Variants in DMGDH observed in about 807,000 individuals in gnomAD.
DMGDH encodes dimethylglycine dehydrogenase, mitochondrial.
Under a neutral mutation model 95.2 loss-of-function variants are expected in DMGDH, and 76 were observed. The observed-to-expected ratio is 0.80, with a 90% CI of 0.66 to 0.97. The LOEUF (loss-of-function observed/expected upper bound fraction) is 0.97, where lower values mean the gene tolerates loss of function less well. Ranked by LOEUF, DMGDH falls within the 50% of genes least tolerant of loss-of-function variation. The pLI is 0.00. For missense variants in DMGDH, 987 were observed against 1,055.0 expected (o/e 0.94, Z 0.89); for synonymous variants, 345 against 377.6 (o/e 0.91, Z 1.00).
intron 3 of DMGDH, 88 bp downstream of exon 3, chr5:79,055,722 T>C (rs1755011066): frequency 1.2e-6 from 1 of 863,588 alleles, no homozygotes; most frequent in Non-Finnish European, 1.9e-6. Context: ...CACACGGTCA[T>C]ACACAATGAT....
At chr5:79,028,305 A>G in intron 12 of DMGDH, 128 bp downstream of exon 12, 2 of 780,352 alleles carry the variant, frequency 2.6e-6, no homozygotes, top group Admixed American at 4.9e-5. Flanking sequence ...GACAAAAGTG[A>G]GTGTGAGTGT....
chr5:79,015,492 T>C (rs16876302), intron 14 of DMGDH, among the ~76,000 whole-genome samples: 48,349 of 152,094 alleles, frequency 0.32, 8,219 homozygotes, highest in African/African-American at 0.44. Context: ...CACATGAGAC[T>C]CTTCATAATG....
chr5:79,037,676 G>A (rs1754382493), intron 7 of DMGDH, among the ~76,000 whole-genome samples: 1 of 152,108 alleles, frequency 6.6e-6, no homozygotes, highest in South Asian at 2.1e-4. Flanking sequence ...TAGGTTATAA[G>A]TAACTTGTTC....
intron 15 of DMGDH, among the ~76,000 whole-genome samples, chr5:79,002,456 T>TC (rs1753470526): frequency 6.6e-6 from 1 of 152,204 alleles, no homozygotes; most frequent in Non-Finnish European, 1.5e-5. Context: ...ACTTGACCTT[T>TC]CCCCAAGGCA....
chr5:78,997,973 G>A lies in DMGDH; in HGVS notation c.*109C>T. The A allele has an allele frequency of 8.5e-7, 1 of 1,181,288 alleles. No individual in the cohort carries two copies. The highest frequency in any genetic ancestry group is 2.4e-5 in the East Asian group (1 of 42,074). The allele number at this position is 1,181,288 out of a possible 1,614,324, so 73.2% of individuals were successfully genotyped here. ...TAAGATTCTAAATTTAGACTTTGAT[G>A]ATTTTGAAATGAATTCCTGGTTTCC... On this transcript the variant is annotated 3_prime_UTR_variant, in exon 16 of 16. Transcript: ENST00000255189.
chr5:78,998,312 C>T lies in DMGDH; in HGVS notation c.2386-15G>A. ...TTGCCAACCACCTGGAAAACAAGACCCAACAGTCCTCAGCATCTTGGTCAC... is the reference window on the plus strand; with the variant it reads ...TTGCCAACCACCTGGAAAACAAGACTCAACAGTCCTCAGCATCTTGGTCAC... On this transcript the variant is annotated splice_polypyrimidine_tract_variant and intron_variant, in intron 15 of 15. Transcript: ENST00000255189. 5.6e-6 allele frequency: 9 copies of T among 1,607,160 alleles called. No individual in the cohort carries two copies. Among genetic ancestry groups the T allele is most frequent in the Non-Finnish European group, 7.7e-6 (9 of 1,175,828 alleles).
intron 3 of DMGDH, 115 bp downstream of exon 3, chr5:79,055,695 T>C (rs1233720089): frequency 2.7e-6 from 2 of 738,258 alleles, no homozygotes; most frequent in Non-Finnish European, 4.9e-6. Flanking sequence ...CATATTCCTC[T>C]ACTACATTAA....
At chr5:79,049,628 GAA>G (rs909642277) in intron 5 of DMGDH, among the ~76,000 whole-genome samples, 2 of 152,118 alleles carry the variant, frequency 1.3e-5, no homozygotes, top group African/African-American at 2.4e-5. Context: ...TTGCTACTTA[GAA>G]AAAAGTCTGA....
At chr5:79,052,026 G>A (rs1173114753) in intron 4 of DMGDH, among the ~76,000 whole-genome samples, 1 of 152,168 alleles carries the variant, frequency 6.6e-6, no homozygotes, top group African/African-American at 2.4e-5. Context: ...ATACAAGCAA[G>A]GAGCTTTTGT....
intron 14 of DMGDH, among the ~76,000 whole-genome samples, chr5:79,015,307 T>TG (rs1359088452): frequency 1.3e-5 from 2 of 152,214 alleles, no homozygotes; most frequent in Admixed American, 6.5e-5. Context: ...CTGCTTTAGT[T>TG]GAAGTCTTCG....
intron 2 of DMGDH, among the ~76,000 whole-genome samples, chr5:79,059,484 G>C (rs1392607595): frequency 6.6e-6 from 1 of 152,196 alleles, no homozygotes; most frequent in Non-Finnish European, 1.5e-5. Flanking sequence ...GTGTCTGCCT[G>C]TTGTTACAAA....
At chr5:79,031,049 A>T in intron 9 of DMGDH, 51 bp from the exon 10 acceptor site, 1 of 1,599,002 alleles carries the variant, frequency 6.3e-7, no homozygotes, top group Non-Finnish European at 8.6e-7. Flanking sequence ...ATTTTTCAAA[A>T]ATTACAGAAT....
At chr5:79,051,075 C>CT (rs1333791808) in intron 5 of DMGDH, among the ~76,000 whole-genome samples, 1 of 151,918 alleles carries the variant, frequency 6.6e-6, no homozygotes, top group Non-Finnish European at 1.5e-5. Context: ...AAATAAGCAA[C>CT]TTTTTTTGGA....
chr5:79,018,563 C>T (rs187252502), intron 14 of DMGDH, among the ~76,000 whole-genome samples: 22 of 152,004 alleles, frequency 1.4e-4, no homozygotes, highest in African/African-American at 4.8e-4. Context: ...ATGGACACCC[C>T]GGGGATGAGG....
chr5:79,054,447 GATTT>G, intron 3 of DMGDH, 99 bp from the exon 4 acceptor site: 1 of 1,187,456 alleles, frequency 8.4e-7, no homozygotes, highest in Non-Finnish European at 1.2e-6. Flanking sequence ...TGTACAAAAA[GATTT>G]ATTACGAGTG....
rs777266909 is a variant in DMGDH, at chr5:79,029,855, G to C, written c.1814+49C>G. Reference sequence around the variant, plus strand: ...AAAAAGAAAAACTTAATGTAAGATTGAGTCAATATATAATGTGTACAAAAT... The same window carrying C: ...AAAAAGAAAAACTTAATGTAAGATTCAGTCAATATATAATGTGTACAAAAT... On this transcript the variant is annotated intron_variant, in intron 11 of 15. Coordinates refer to ENST00000255189, the MANE Select transcript of DMGDH (RefSeq NM_013391.3). 7 of 1,587,806 alleles carry C rather than the reference G, an allele frequency of 4.4e-6. No individual in the cohort carries two copies. In the African/African-American group the frequency reaches 8.1e-5, roughly 18 times the overall value.
intron 15 of DMGDH, among the ~76,000 whole-genome samples, chr5:79,001,337 A>G (rs569446181): frequency 6.6e-6 from 1 of 152,150 alleles, no homozygotes; most frequent in East Asian, 1.9e-4. Flanking sequence ...CAATTTTTGT[A>G]TTTTTAGTAG....
chr5:79,039,909 C>T (rs1209495030), intron 7 of DMGDH, among the ~76,000 whole-genome samples: 3 of 152,124 alleles, frequency 2.0e-5, no homozygotes, highest in Non-Finnish European at 4.4e-5. Flanking sequence ...TAGGAAGGCA[C>T]CTGGAAAGGG....
rs186397075 is a variant in DMGDH at position 79,052,069 on chromosome 5, G to A, written c.541-578C>T. Among the ~76,000 whole-genome samples, 261 of 152,258 alleles carry A rather than the reference G, an allele frequency of 1.7e-3. 1 individual carries two copies. Among genetic ancestry groups the A allele is most frequent in the Non-Finnish European group, 2.3e-3 (158 of 68,016 alleles). The stretch of plus-strand genomic sequence containing the variant: ...CTTTTCTGTATCTATTGAAATAACT[G>A]TGTAGTTTTGTCCTTTATTCTATTA... On this transcript the variant is annotated intron_variant, in intron 4 of 15. Coordinates refer to ENST00000255189, the MANE Select transcript of DMGDH (RefSeq NM_013391.3).
Sources: gnomAD v4.1 joint callset for allele counts (sites outside exome capture counted in the v4.1 genomes callset) on GRCh38, gnomAD v4.1.1 for gene constraint, MANE v1.5 for transcripts, NCBI Gene and HGNC (gene_info 2026-07-23, HGNC 2026-07-21) for gene names.